The following AVL9 variants were observed in gnomAD, a reference collection of about 807,000 sequenced individuals.
AVL9 encodes the protein AVL9 cell migration associated.
AVL9 carries 49 observed loss-of-function variants against 79.2 expected under a neutral mutation model. The observed-to-expected ratio is 0.62, with a 90% CI of 0.49 to 0.79. The LOEUF (loss-of-function observed/expected upper bound fraction) is 0.79, where lower values mean the gene tolerates loss of function less well. Among genes scored for constraint, AVL9 ranks in the 30% least tolerant of loss-of-function variants. The probability of loss-of-function intolerance (pLI) is 0.00; values close to 1 mark genes in which losing one functional copy is unlikely to be tolerated. For synonymous variants in AVL9, 299 were observed against 280.6 expected (o/e 1.07, Z -0.65); for missense variants, 682 against 776.8 (o/e 0.88, Z 1.45).
intron 1 of AVL9, among the ~76,000 whole-genome samples, chr7:32,525,365 T>C (rs1028694468): frequency 6.6e-6 from 1 of 151,982 alleles, no homozygotes; most frequent in African/African-American, 2.4e-5. Flanking sequence ...AGCATATTTT[T>C]AGGTAAAGTT....
At chr7:32,521,615 T>C (rs541807270) in intron 1 of AVL9, among the ~76,000 whole-genome samples, 1 of 152,274 alleles carries the variant, frequency 6.6e-6, no homozygotes, top group East Asian at 1.9e-4. Flanking sequence ...GCATAAAAGT[T>C]TGGAAAATTT....
chr7:32,573,063 T>A, intron 11 of AVL9, 136 bp from the exon 12 acceptor site: 1 of 652,520 alleles, frequency 1.5e-6, no homozygotes, highest in Non-Finnish European at 2.6e-6. Context: ...ACCTCTTTCT[T>A]AGACTCACCT....
intron 11 of AVL9, among the ~76,000 whole-genome samples, chr7:32,572,874 T>C (rs1228536543): frequency 6.6e-6 from 1 of 152,096 alleles, no homozygotes; most frequent in East Asian, 1.9e-4. Context: ...TTATACTTGT[T>C]AAATGTGTTC....
chr7:32,563,979 T>C (rs1188007155), intron 10 of AVL9, among the ~76,000 whole-genome samples: 1 of 152,160 alleles, frequency 6.6e-6, no homozygotes, highest in Non-Finnish European at 1.5e-5. Flanking sequence ...AGCCACAAAT[T>C]GCGGGCTTTC....
rs762999381 is a variant in AVL9, at chr7:32,557,894, C to G, written c.610-665C>G. ...TTTTTGAGACAGAGTCTTGCTCTGTCGCCCAGGCTGGAGTGCAGTGGCGTA... is the reference window on the plus strand; with the variant it reads ...TTTTTGAGACAGAGTCTTGCTCTGTGGCCCAGGCTGGAGTGCAGTGGCGTA... On this transcript the variant is annotated intron_variant, in intron 8 of 15. Coordinates refer to ENST00000318709, the MANE Select transcript of AVL9 (RefSeq NM_015060.3). Among the ~76,000 whole-genome samples the G allele has an allele frequency of 6.8e-4, 98 of 143,106 alleles. 1 individual carries two copies. Among genetic ancestry groups the G allele is most frequent in the Admixed American group, 2.9e-3 (40 of 13,784 alleles). The allele number at this position is 143,106 out of a possible 152,430, so 93.9% of individuals were successfully genotyped here. A position where few individuals can be genotyped will look rare whatever the true frequency, so the allele number is the denominator to read the frequency against.
intron 4 of AVL9, among the ~76,000 whole-genome samples, chr7:32,550,606 T>C (rs1789768522): frequency 6.6e-6 from 1 of 152,108 alleles, no homozygotes; most frequent in Non-Finnish European, 1.5e-5. Flanking sequence ...TCATTGGTCA[T>C]TACATCCTGA....
intron 13 of AVL9, among the ~76,000 whole-genome samples, chr7:32,579,025 C>A (rs1422608748): frequency 2.0e-5 from 3 of 151,674 alleles, no homozygotes; most frequent in Non-Finnish European, 4.4e-5. Context: ...GTATTTCAAT[C>A]CTGTGATTCA....
intron 10 of AVL9, among the ~76,000 whole-genome samples, chr7:32,563,074 C>A (rs553184770): frequency 5.3e-5 from 8 of 152,268 alleles, no homozygotes; most frequent in Admixed American, 6.5e-5. Flanking sequence ...TTCTGTCCCC[C>A]AGGCTGGAGT....
chr7:32,541,568 G>T (rs574450350), intron 1 of AVL9, among the ~76,000 whole-genome samples: 3 of 152,072 alleles, frequency 2.0e-5, no homozygotes, highest in African/African-American at 7.2e-5. Context: ...GAATTTGTGT[G>T]TATCTTACCT....
intron 3 of AVL9, among the ~76,000 whole-genome samples, chr7:32,548,144 C>CTCTTTTTTTTTTT (rs1227025763): frequency 5.2e-5 from 3 of 57,586 alleles, no homozygotes; most frequent in African/African-American, 1.6e-4. Flanking sequence ...TTTGTCATCT[C>CTCTTTTTTTTTTT]TTTTTTCTTT....
chr7:32,525,726 C>T (rs1788374384), intron 1 of AVL9, among the ~76,000 whole-genome samples: 1 of 152,164 alleles, frequency 6.6e-6, no homozygotes, highest in Non-Finnish European at 1.5e-5. Flanking sequence ...CCCTGACACA[C>T]AAATAATCTT....
At position 32,583,951 on chromosome 7, in the gene AVL9, C is replaced by T. The variant is rs1277396433; in HGVS notation, c.*44C>T. 1.4e-6 allele frequency: 2 copies of T among 1,400,112 alleles called. No individual in the cohort carries two copies. Among genetic ancestry groups the T allele is most frequent in the Admixed American group, 3.4e-5 (2 of 59,302 alleles). The allele number at this position is 1,400,112 out of a possible 1,614,324, so 86.7% of individuals were successfully genotyped here. ...CTATTGCTTTCTGAGGTTTAAGTGT[C>T]CCCTGTCTGTCTGCTGCTCCCAGGC... On this transcript the variant is annotated 3_prime_UTR_variant, in exon 16 of 16. Transcript: ENST00000318709.
chr7:32,570,302 A>T (rs1356735585), intron 11 of AVL9, 148 bp downstream of exon 11: 1 of 1,132,332 alleles, frequency 8.8e-7, no homozygotes, highest in Non-Finnish European at 1.3e-6. Context: ...ATGTGTATTA[A>T]CTGGTCTAAT....
At chr7:32,539,439 C>G (rs942004902) in intron 1 of AVL9, among the ~76,000 whole-genome samples, 2 of 133,904 alleles carry the variant, frequency 1.5e-5, no homozygotes, top group Non-Finnish European at 3.4e-5. Context: ...TTCCATAAGT[C>G]CTGGGTCTTC....
chr7:32,538,683 G>C (rs889026232), intron 1 of AVL9: 1 of 152,086 alleles, frequency 6.6e-6, no homozygotes, highest in African/African-American at 2.4e-5. Flanking sequence ...GTCTTTTCAA[G>C]CATGTTTTTT....
At chr7:32,557,395 C>T (rs901394229) in intron 8 of AVL9, among the ~76,000 whole-genome samples, 3 of 152,178 alleles carry the variant, frequency 2.0e-5, no homozygotes, top group East Asian at 1.9e-4. Flanking sequence ...GGATCATGTA[C>T]TGCATTGCTA....
chr7:32,576,216 G>A (rs1791092418), intron 13 of AVL9, 144 bp downstream of exon 13: 1 of 622,108 alleles, frequency 1.6e-6, no homozygotes, highest in African/African-American at 1.9e-5. Context: ...CCCAAATATA[G>A]AGAAACAGCT....
At chr7:32,534,579 G>C (rs934128057) in intron 1 of AVL9, 2 of 152,126 alleles carry the variant, frequency 1.3e-5, no homozygotes, top group African/African-American at 4.8e-5. Context: ...CTCATTCTCT[G>C]TTAAGACTAC....
chr7:32,546,833 A>T (rs575357130), intron 3 of AVL9, among the ~76,000 whole-genome samples: 2 of 149,180 alleles, frequency 1.3e-5, no homozygotes, highest in East Asian at 3.9e-4. Flanking sequence ...AAAAATAAAA[A>T]AAATAAAAAA....
Sources: gnomAD v4.1 joint callset for allele counts (sites outside exome capture counted in the v4.1 genomes callset) on GRCh38, gnomAD v4.1.1 for gene constraint, MANE v1.5 for transcripts, NCBI Gene and HGNC (gene_info 2026-07-23, HGNC 2026-07-21) for gene names.